PCDHGB5: variants seen among roughly 807,000 people sequenced by gnomAD.
PCDHGB5 encodes protocadherin gamma subfamily B, 5.
A neutral mutation model predicts 62.9 loss-of-function variants in PCDHGB5; 48 were observed. The ratio of observed to expected loss-of-function variants is 0.76; its 90% confidence interval spans 0.61 to 0.97. The LOEUF is 0.97. PCDHGB5 is among the 50% of genes least tolerant of loss of function. The pLI, the probability that PCDHGB5 is intolerant of heterozygous loss-of-function variation, is 0.00. For synonymous variants in PCDHGB5, 474 were observed against 511.2 expected (o/e 0.93, Z 0.98); for missense variants, 1,118 against 1,198.6 (o/e 0.93, Z 0.99).
At chr5:141,478,251 T>C in intron 1 of PCDHGB5, 1 of 1,614,072 alleles carries the variant, frequency 6.2e-7, no homozygotes, top group Non-Finnish European at 8.5e-7. Context: ...GTGTTCGGAG[T>C]AATCATATTC....
Position 141,431,354 on chromosome 5 carries a change from G to GCC in PCDHGB5, c.2397+30832_2397+30833dup. The GCC allele has an allele frequency of 6.2e-7, 1 of 1,614,036 alleles. No individual in the cohort carries two copies. Among genetic ancestry groups the GCC allele is most frequent in the African/African-American group, 1.3e-5 (1 of 75,052 alleles). On this transcript the variant is annotated intron_variant, in intron 1 of 3. Transcript: ENST00000617380. This position sits in a 1 kb window ranked among gnomAD's most constrained non-coding sequence, Gnocchi z 4.8. Reference sequence around the variant, plus strand: ...GTACCCCGAATTGGTGCTGAAACGCGCCCTGGACCGCGAAGAAAAGGCTGC... The same window carrying GCC: ...GTACCCCGAATTGGTGCTGAAACGCGCCCCCTGGACCGCGAAGAAAAGGCTGC...
rs771937544 is a variant in PCDHGB5, at chr5:141,400,106, T to A, written c.1979T>A (p.Phe660Tyr). 6.2e-7 allele frequency: 1 copy of A among 1,613,950 alleles called. No homozygotes were observed. The highest frequency in any genetic ancestry group is 1.3e-5 in the African/African-American group (1 of 74,950). Residue 660 changes from phenylalanine (F) to tyrosine (Y), a missense_variant, in exon 1 of 4, where the codon TTT becomes TAT. Around this residue, in one of 2 missense-constraint regions of PCDHGB5, gnomAD observed 1,034 missense variants for 1,029.1 expected, o/e 1.00. Coordinates refer to ENST00000617380, the MANE Select transcript of PCDHGB5 (RefSeq NM_018925.3). ...GCCACCGCCACGCTGCACTTGGTCT[T>A]TGCTGACAGCTTGCAGGAGGTGCTG... is the stretch of plus-strand genomic sequence containing the variant. ...LSATATLHLV[F>Y]ADSLQEVLPD...
At chr5:141,509,720 A>G (rs916316577) in intron 3 of PCDHGB5, among the ~76,000 whole-genome samples, 6 of 151,974 alleles carry the variant, frequency 3.9e-5, no homozygotes, top group Admixed American at 3.3e-4. Context: ...GTCTGATGTC[A>G]CCTAGCTGTG....
chr5:141,491,311 A>G lies in PCDHGB5; in HGVS notation c.2398-3496A>G. On this transcript the variant is annotated intron_variant, in intron 1 of 3. Transcript: ENST00000617380. This position sits in a 1 kb window ranked among gnomAD's most constrained non-coding sequence, Gnocchi z 6.9. The stretch of plus-strand genomic sequence containing the variant: ...ACACCCTCCTGAGCGTTCAGACCTT[A>G]CCCTTTACCTCATTGTGGCTCTAGC... 1 of 1,613,932 alleles carries G rather than the reference A, an allele frequency of 6.2e-7. No homozygotes were observed. Among genetic ancestry groups the G allele is most frequent in the Non-Finnish European group, 8.5e-7 (1 of 1,179,940 alleles).
chr5:141,456,975 A>T (rs1240583336), intron 1 of PCDHGB5, among the ~76,000 whole-genome samples: 1 of 152,178 alleles, frequency 6.6e-6, no homozygotes, highest in East Asian at 1.9e-4. Flanking sequence ...AACAAAACAA[A>T]CAAACAAACA....
chr5:141,404,475 A>G, intron 1 of PCDHGB5: 1 of 1,613,732 alleles, frequency 6.2e-7, no homozygotes, highest in Non-Finnish European at 8.5e-7. Flanking sequence ...GTCTCTATTA[A>G]CTCAGACACT....
At chr5:141,466,019 G>C (rs1466918487) in intron 1 of PCDHGB5, among the ~76,000 whole-genome samples, 1 of 152,062 alleles carries the variant, frequency 6.6e-6, no homozygotes, top group African/African-American at 2.4e-5. Flanking sequence ...CTACTCGGGA[G>C]GGTGAGGCAG....
intron 1 of PCDHGB5, chr5:141,413,689 C>A: frequency 1.2e-6 from 2 of 1,613,800 alleles, no homozygotes; most frequent in Non-Finnish European, 1.7e-6. Flanking sequence ...GAACTCCCTG[C>A]AGAGCTATCA....
chr5:141,414,185 T>C lies in PCDHGB5; in HGVS notation c.2397+13661T>C, dbSNP rs374044785. ...GGAGCATATCTTGCAACTGCAAAAG[T>C]GTTGATTACAGTAGAAGATGTAAAT... On this transcript the variant is annotated intron_variant, in intron 1 of 3. Transcript: ENST00000617380. The C allele has an allele frequency of 1.2e-5, 19 of 1,609,558 alleles. No homozygotes were observed. The highest frequency in any genetic ancestry group is 1.6e-5 in the Non-Finnish European group (19 of 1,177,778).
intron 1 of PCDHGB5, chr5:141,423,755 G>A (rs1236551808): frequency 2.5e-5 from 13 of 512,416 alleles, no homozygotes; most frequent in Non-Finnish European, 3.4e-5. Context: ...CTGTTTGGGG[G>A]GGGGGTGGGG....
chr5:141,423,139 G>A (rs2096713828), intron 1 of PCDHGB5: 2 of 1,613,616 alleles, frequency 1.2e-6, no homozygotes, highest in Middle Eastern at 1.7e-4. Flanking sequence ...GGACAGAGAC[G>A]CGCTCAAGCA....
At chr5:141,403,444 G>A (rs2094408321) in intron 1 of PCDHGB5, 1 of 1,613,906 alleles carries the variant, frequency 6.2e-7, no homozygotes, top group African/African-American at 1.3e-5. Flanking sequence ...ATGTTGGCGT[G>A]AACTCCCTCC....
intron 2 of PCDHGB5, among the ~76,000 whole-genome samples, chr5:141,501,690 A>G (rs760011264): frequency 5.3e-5 from 8 of 152,158 alleles, no homozygotes; most frequent in Non-Finnish European, 1.0e-4. Context: ...ACTTATCTGC[A>G]GGGTGATTCC....
At position 141,398,910 on chromosome 5, in the gene PCDHGB5, G is replaced by A. The variant is rs1465229535; in HGVS notation, c.783G>A (p.Val261=). The A allele has an allele frequency of 6.2e-7, 1 of 1,613,972 alleles. No individual in the cohort carries two copies. The highest frequency in any genetic ancestry group is 1.1e-5 in the South Asian group (1 of 91,074). The change falls in exon 1 of 4, where the codon GTG becomes GTA. Residue 261 remains valine (V), a synonymous_variant. Coordinates refer to ENST00000617380, the MANE Select transcript of PCDHGB5 (RefSeq NM_018925.3). The part of the protein sequence containing the change: ...LRENVPPGTT[V]LQVSATDQDE... ...AAAACGTGCCACCAGGCACCACTGT[G>A]TTGCAAGTGTCAGCCACTGACCAAG...
intron 1 of PCDHGB5, chr5:141,408,227 C>G (rs771279344): frequency 1.9e-6 from 3 of 1,562,978 alleles, no homozygotes; most frequent in East Asian, 2.4e-5. Context: ...CGCGCAGAGG[C>G]GCCGGGCCGG....
At chr5:141,421,185 C>T in intron 1 of PCDHGB5, 1 of 1,463,494 alleles carries the variant, frequency 6.8e-7, no homozygotes, top group Non-Finnish European at 9.1e-7. Flanking sequence ...GATTCACAAC[C>T]AACCAGCTCG....
intron 1 of PCDHGB5, among the ~76,000 whole-genome samples, chr5:141,463,572 C>T (rs1462125489): frequency 6.6e-6 from 1 of 151,572 alleles, no homozygotes; most frequent in African/African-American, 2.4e-5. Context: ...CCTCAGCCTC[C>T]CGAGTAGCTG....
At chr5:141,420,301 C>CT (rs768732518) in intron 1 of PCDHGB5, 1 of 1,462,190 alleles carries the variant, frequency 6.8e-7, no homozygotes, top group African/African-American at 1.4e-5. Flanking sequence ...GTATTTAATC[C>CT]TTTTTATATT....
intron 1 of PCDHGB5, among the ~76,000 whole-genome samples, chr5:141,402,311 A>G (rs1174114133): frequency 1.3e-5 from 2 of 152,022 alleles, no homozygotes; most frequent in Non-Finnish European, 2.9e-5. Flanking sequence ...ATACAATTAT[A>G]TATTTTACAT....
Sources: gnomAD v4.1 joint callset for allele counts (sites outside exome capture counted in the v4.1 genomes callset) on GRCh38, gnomAD v4.1.1 for gene constraint, gnomAD v4.1.1 regional missense constraint, Gnocchi (gnomAD v3.1) non-coding constraint, MANE v1.5 for transcripts, NCBI Gene and HGNC (gene_info 2026-07-23, HGNC 2026-07-21) for gene names.